AKAP6: variants seen among roughly 807,000 people sequenced by gnomAD.
The protein encoded by AKAP6 is A-kinase anchoring protein 6.
In AKAP6, 58 loss-of-function variants were observed where a neutral mutation model predicts 188.5. The ratio of observed to expected loss-of-function variants is 0.31; its 90% CI spans 0.25 to 0.38. The LOEUF (loss-of-function observed/expected upper bound fraction) is 0.38. AKAP6 is among the 10% of genes least tolerant of loss of function. The pLI is 1.00. For synonymous variants in AKAP6, 989 were observed against 998.6 expected (o/e 0.99, Z 0.18); for missense variants, 2,710 against 2,740.0 (o/e 0.99, Z 0.24).
intron 13 of AKAP6, among the ~76,000 whole-genome samples, chr14:32,828,823 G>T (rs1415998543): frequency 6.6e-6 from 1 of 152,128 alleles, no homozygotes; most frequent in Non-Finnish European, 1.5e-5. Context: ...ATCTGTTTCT[G>T]TCTGTCTCCC....
intron 8 of AKAP6, among the ~76,000 whole-genome samples, chr14:32,688,126 A>G (rs1258377179): frequency 6.6e-6 from 1 of 150,650 alleles, no homozygotes; most frequent in Non-Finnish European, 1.5e-5. Flanking sequence ...TATAGTATAT[A>G]TATAAAATAT....
At chr14:32,361,413 G>GCATC (rs1887661831) in intron 1 of AKAP6, among the ~76,000 whole-genome samples, 1 of 152,142 alleles carries the variant, frequency 6.6e-6, no homozygotes, top group African/African-American at 2.4e-5. Context: ...AAGCATGGAA[G>GCATC]CATCAGTCAG....
chr14:32,708,084 G>A, intron 9 of AKAP6, among the ~76,000 whole-genome samples: 1 of 152,024 alleles, frequency 6.6e-6, no homozygotes, highest in Admixed American at 6.6e-5. Flanking sequence ...ATACATACGG[G>A]TATGATTATT....
At chr14:32,714,084 A>T (rs1286290184) in intron 9 of AKAP6, among the ~76,000 whole-genome samples, 1 of 152,010 alleles carries the variant, frequency 6.6e-6, no homozygotes, top group Non-Finnish European at 1.5e-5. Flanking sequence ...TGTCTCAAGG[A>T]ATAGGAAGGT....
At chr14:32,602,206 T>C (rs1055538914) in intron 7 of AKAP6, among the ~76,000 whole-genome samples, 3 of 151,994 alleles carry the variant, frequency 2.0e-5, no homozygotes, top group African/African-American at 7.3e-5. Context: ...TGTGTGGAAG[T>C]AGGGAGAGGA....
intron 2 of AKAP6, among the ~76,000 whole-genome samples, chr14:32,487,729 G>A (rs919650984): frequency 6.6e-6 from 1 of 152,246 alleles, no homozygotes; most frequent in Non-Finnish European, 1.5e-5. Context: ...GGGTTTCTGT[G>A]TGGTCATCCT....
At chr14:32,808,190 T>A (rs1437847092) in intron 12 of AKAP6, among the ~76,000 whole-genome samples, 1 of 151,298 alleles carries the variant, frequency 6.6e-6, no homozygotes, top group Non-Finnish European at 1.5e-5. Context: ...CAGAGAGCTG[T>A]CCCTTCTTTC....
chr14:32,670,854 G>A (rs1366089085), intron 7 of AKAP6, among the ~76,000 whole-genome samples: 1 of 152,078 alleles, frequency 6.6e-6, no homozygotes, highest in Non-Finnish European at 1.5e-5. Context: ...TGAAGCTGAG[G>A]CTTCAGCCTT....
rs551407208 is a variant in AKAP6 at position 32,793,015 on chromosome 14, A to T, written c.3588+19122A>T. On this transcript the variant is annotated intron_variant, in intron 12 of 13. Coordinates refer to ENST00000280979, the MANE Select transcript of AKAP6 (RefSeq NM_004274.5). ...CGCCACCAGGCTTGCCTTACAAAAG[A>T]TCTTGAAGGAAGCACTAAATATGGA... is the stretch of plus-strand genomic sequence containing the variant. Among the ~76,000 whole-genome samples, 11 of 152,298 alleles carry T rather than the reference A, an allele frequency of 7.2e-5. No individual in the cohort carries two copies. In the East Asian group the frequency reaches 1.7e-3, roughly 24 times the overall value.
chr14:32,379,220 A>G (rs1173736466), intron 1 of AKAP6, among the ~76,000 whole-genome samples: 1 of 152,100 alleles, frequency 6.6e-6, no homozygotes, highest in East Asian at 1.9e-4. Flanking sequence ...GCGCCCAGCC[A>G]TGAGTGTAAG....
At chr14:32,715,259 A>G (rs1265001082) in intron 9 of AKAP6, among the ~76,000 whole-genome samples, 1 of 152,020 alleles carries the variant, frequency 6.6e-6, no homozygotes, top group African/African-American at 2.4e-5. Flanking sequence ...TCTAATACAT[A>G]TATCAGGAAT....
intron 9 of AKAP6, among the ~76,000 whole-genome samples, chr14:32,725,017 A>AAAAAAAAT (rs58709782): frequency 6.7e-6 from 1 of 148,984 alleles, no homozygotes; most frequent in Non-Finnish European, 1.5e-5. Flanking sequence ...AAAAAAAAAA[A>AAAAAAAAT]CAATTTTCCT....
chr14:32,766,683 T>A (rs773088464), intron 11 of AKAP6, among the ~76,000 whole-genome samples: 6 of 152,164 alleles, frequency 3.9e-5, no homozygotes, highest in Non-Finnish European at 8.8e-5. Flanking sequence ...TTTAAAAAAT[T>A]GAGTTACTGG....
rs772168542 is a variant in AKAP6, at chr14:32,546,007, G to A, written c.1354G>A (p.Ala452Thr). Residue 452 changes from alanine to threonine, a missense_variant, in exon 4 of 14, where the codon GCC (alanine) becomes ACC (threonine). By Grantham distance (58) the Ala-to-Thr change is moderately conservative. Coordinates refer to ENST00000280979, the MANE Select transcript of AKAP6 (RefSeq NM_004274.5). Reference sequence around the variant, plus strand: ...TTCTTACCCCAACAGCCCTTCTGCTGCCAGCCAGTCTTATGAGTGTTTACA... The same window carrying A: ...TTCTTACCCCAACAGCCCTTCTGCTACCAGCCAGTCTTATGAGTGTTTACA... Reference protein sequence around the residue: ...QSSYPNSPSAASQSYECLHKV... With the variant: ...QSSYPNSPSATSQSYECLHKV... 6.8e-6 allele frequency: 11 copies of A among 1,614,152 alleles called. No individual in the cohort carries two copies. Among genetic ancestry groups the A allele is most frequent in the Middle Eastern group, 3.3e-4 (2 of 6,060 alleles).
chr14:32,680,741 T>C (rs1889642155), intron 8 of AKAP6, among the ~76,000 whole-genome samples: 3 of 152,204 alleles, frequency 2.0e-5, no homozygotes, highest in Admixed American at 1.3e-4. Flanking sequence ...GAATTTTATG[T>C]AACCAAAATA....
intron 7 of AKAP6, among the ~76,000 whole-genome samples, chr14:32,645,230 C>A (rs1887936191): frequency 6.6e-6 from 1 of 152,064 alleles, no homozygotes; most frequent in Non-Finnish European, 1.5e-5. Flanking sequence ...TAGTATTAGG[C>A]AAAGCTATTT....
chr14:32,576,804 G>C (rs1226583030), intron 4 of AKAP6, among the ~76,000 whole-genome samples: 1 of 152,094 alleles, frequency 6.6e-6, no homozygotes, highest in Non-Finnish European at 1.5e-5. Flanking sequence ...ATGCTTGTCA[G>C]ACACCAGAAA....
At chr14:32,510,394 GTA>G (rs61206931) in intron 2 of AKAP6, among the ~76,000 whole-genome samples, 18 of 63,296 alleles carry the variant, frequency 2.8e-4, no homozygotes, top group East Asian at 6.1e-4. Context: ...ATATATATGT[GTA>G]TATATATGTA....
chr14:32,726,215 G>A (rs1433172658), intron 9 of AKAP6: 2 of 982,822 alleles, frequency 2.0e-6, no homozygotes, highest in African/African-American at 3.5e-5. Flanking sequence ...GCAGACTAAG[G>A]AGAAAACTTA....
Sources: allele counts gnomAD v4.1 joint callset (sites outside exome capture counted in the v4.1 genomes callset), GRCh38; gene constraint gnomAD v4.1.1; transcripts MANE v1.5; gene names NCBI Gene and HGNC (gene_info 2026-07-23, HGNC 2026-07-21).